The following UST variants were observed in gnomAD, a reference collection of about 807,000 sequenced individuals.
UST encodes uronyl 2-sulfotransferase, also known as chondroitin sulfate 2-O-sulfotransferase.
A neutral mutation model predicts 45.6 loss-of-function variants in UST; 21 were observed. That is an observed-to-expected ratio of 0.46 (90% CI 0.33 to 0.66). The LOEUF (loss-of-function observed/expected upper bound fraction) is 0.66. Ranked by LOEUF, UST falls within the 30% of genes least tolerant of loss-of-function variation. UST has a pLI of 0.02. For missense variants in UST, 463 were observed against 512.4 expected (o/e 0.90, Z 0.93); for synonymous variants, 215 against 200.6 (o/e 1.07, Z -0.61).
At chr6:148,933,609 C>T (rs1489223518) in intron 2 of UST, among the ~76,000 whole-genome samples, 2 of 152,096 alleles carry the variant, frequency 1.3e-5, no homozygotes, top group Admixed American at 1.3e-4. Flanking sequence ...AAATAGAATT[C>T]TGAGATCGGT....
At chr6:149,055,493 C>A (rs997950555) in intron 7 of UST, among the ~76,000 whole-genome samples, 6 of 152,034 alleles carry the variant, frequency 3.9e-5, no homozygotes, top group Non-Finnish European at 8.8e-5. Flanking sequence ...ATTGAACACA[C>A]TTTTTAAGAA....
intron 1 of UST, among the ~76,000 whole-genome samples, chr6:148,872,355 TAAAAC>T (rs965324454): frequency 1.9e-4 from 29 of 152,336 alleles, no homozygotes; most frequent in African/African-American, 6.5e-4. Context: ...TAATTATTCA[TAAAAC>T]AAAATACAAA....
At chr6:148,856,684 G>C (rs9390616) in intron 1 of UST, among the ~76,000 whole-genome samples, 31,955 of 152,064 alleles carry the variant, frequency 0.21, 3,574 homozygotes, top group East Asian at 0.4. Context: ...GTTTATGCGT[G>C]AGTTATTTGC....
chr6:149,049,430 T>C (rs1022479938), intron 7 of UST, among the ~76,000 whole-genome samples: 5 of 152,228 alleles, frequency 3.3e-5, no homozygotes, highest in Non-Finnish European at 7.3e-5. Context: ...CAGGAAATGA[T>C]TAAATTGAAA....
intron 1 of UST, among the ~76,000 whole-genome samples, chr6:148,845,996 G>T (rs1043846870): frequency 1.5e-5 from 2 of 137,628 alleles, no homozygotes; most frequent in African/African-American, 5.0e-5. Flanking sequence ...TACACTGTTG[G>T]TGGGACTGTA....
intron 7 of UST, among the ~76,000 whole-genome samples, chr6:149,052,122 C>A (rs1012514066): frequency 6.6e-6 from 1 of 152,106 alleles, no homozygotes; most frequent in Non-Finnish European, 1.5e-5. Flanking sequence ...AACCACCAGA[C>A]CTTAAAATTT....
intron 2 of UST, among the ~76,000 whole-genome samples, chr6:148,928,679 T>A (rs1582904127): frequency 6.6e-6 from 1 of 152,242 alleles, no homozygotes; most frequent in East Asian, 1.9e-4. Flanking sequence ...CTAGATTCCA[T>A]GCCACATTTG....
intron 5 of UST, among the ~76,000 whole-genome samples, chr6:148,966,959 A>T (rs1170078897): frequency 2.6e-5 from 4 of 152,116 alleles, no homozygotes; most frequent in Non-Finnish European, 5.9e-5. Context: ...GCTGGTCTCG[A>T]ACTCCTGACC....
At chr6:149,065,629 C>G (rs9404017) in intron 7 of UST, among the ~76,000 whole-genome samples, 1,560 of 152,232 alleles carry the variant, frequency 0.01, 67 homozygotes, top group East Asian at 0.095. Context: ...AGCTATGTGA[C>G]CTTGGGTAAG....
intron 2 of UST, among the ~76,000 whole-genome samples, chr6:148,887,569 T>C (rs1410552583): frequency 6.6e-6 from 1 of 152,264 alleles, no homozygotes. Context: ...ATAGTTTCCC[T>C]AACACTGTTT....
intron 1 of UST, among the ~76,000 whole-genome samples, chr6:148,787,996 G>C (rs1776764898): frequency 6.6e-6 from 1 of 152,168 alleles, no homozygotes; most frequent in South Asian, 2.1e-4. Flanking sequence ...TTTTCATGCT[G>C]CTGATAAAGA....
intron 2 of UST, among the ~76,000 whole-genome samples, chr6:148,898,882 A>G (rs901723484): frequency 5.3e-4 from 81 of 152,292 alleles, no homozygotes; most frequent in Non-Finnish European, 9.4e-4. Flanking sequence ...TGGGCTGTCT[A>G]TAACAAAAAT....
intron 7 of UST, among the ~76,000 whole-genome samples, chr6:149,048,269 A>G (rs1051403324): frequency 1.2e-4 from 19 of 152,152 alleles, no homozygotes; most frequent in African/African-American, 2.4e-4. Context: ...AAGGGCTGGC[A>G]TGGTGGCTCA....
intron 2 of UST, among the ~76,000 whole-genome samples, chr6:148,904,466 G>A (rs1350608795): frequency 1.3e-5 from 2 of 151,938 alleles, no homozygotes; most frequent in East Asian, 3.8e-4. Flanking sequence ...AAGAAAATTA[G>A]CAAAAATTAT....
intron 1 of UST, among the ~76,000 whole-genome samples, chr6:148,762,762 GCT>G (rs150716619): frequency 0.09 from 13,687 of 152,006 alleles, 733 homozygotes; most frequent in East Asian, 0.21. Context: ...CCATTGTTTA[GCT>G]CTCACTTCTA....
intron 5 of UST, among the ~76,000 whole-genome samples, chr6:148,998,662 G>A (rs1781494103): frequency 1.3e-5 from 2 of 152,072 alleles, no homozygotes; most frequent in African/African-American, 4.8e-5. Context: ...TAGCGGGTAG[G>A]GATGCGGGCC....
At chr6:149,006,453 T>C (rs951518587) in intron 5 of UST, among the ~76,000 whole-genome samples, 2 of 152,248 alleles carry the variant, frequency 1.3e-5, no homozygotes, top group African/African-American at 4.8e-5. Context: ...TGTATAGTAT[T>C]CCATGGTATA....
intron 4 of UST, among the ~76,000 whole-genome samples, chr6:148,959,916 A>G (rs538043042): frequency 9.9e-5 from 15 of 151,962 alleles, no homozygotes; most frequent in Non-Finnish European, 1.5e-4. Flanking sequence ...GACAGAAGCC[A>G]GACCTCCCCA....
chr6:148,979,495 G>A (rs1781087301), intron 5 of UST, among the ~76,000 whole-genome samples: 1 of 152,192 alleles, frequency 6.6e-6, no homozygotes, highest in Non-Finnish European at 1.5e-5. Flanking sequence ...TGTTGAAGAA[G>A]TACTGGGAAG....
Sources: allele counts gnomAD v4.1 joint callset (sites outside exome capture counted in the v4.1 genomes callset), GRCh38; gene constraint gnomAD v4.1.1; transcripts MANE v1.5; gene names NCBI Gene and HGNC (gene_info 2026-07-23, HGNC 2026-07-21).